CDK17: variants seen among roughly 807,000 people sequenced by gnomAD.
CDK17 encodes cyclin-dependent kinase 17.
In CDK17, 24 loss-of-function variants were observed where a neutral mutation model predicts 77.6. That is an observed-to-expected ratio of 0.31 (90% confidence interval 0.22 to 0.44). The LOEUF (loss-of-function observed/expected upper bound fraction) is 0.44, where lower values mean the gene tolerates loss of function less well. CDK17 is among the 20% of genes least tolerant of loss of function. The probability of loss-of-function intolerance (pLI) is 1.00; values close to 1 mark genes in which losing one functional copy is unlikely to be tolerated. For missense variants in CDK17, 429 were observed against 622.5 expected, an observed-to-expected ratio of 0.69 and a Z score of 3.31; for synonymous variants, 203 against 210.4, an observed-to-expected ratio of 0.96 and a Z score of 0.30.
chr12:96,340,508 A>G (rs1953107236), intron 1 of CDK17, among the ~76,000 whole-genome samples: 1 of 152,208 alleles, frequency 6.6e-6, no homozygotes, highest in South Asian at 2.1e-4. Flanking sequence ...CAGATAATAA[A>G]GAATTTCATT....
intron 7 of CDK17, 140 bp downstream of exon 7, chr12:96,298,725 ATTTG>A (rs960396720): frequency 6.7e-5 from 36 of 534,324 alleles, no homozygotes; most frequent in African/African-American, 6.0e-4. Context: ...CCCTTTGAGT[ATTTG>A]TTTTAGAAAT....
chr12:96,390,961 C>G (rs1036001040), intron 1 of CDK17, among the ~76,000 whole-genome samples: 1 of 151,512 alleles, frequency 6.6e-6, no homozygotes, highest in Non-Finnish European at 1.5e-5. Context: ...GTGGCACACG[C>G]CTATAATCCC....
Position 96,336,478 on chromosome 12 carries a change from T to A in CDK17, c.-29-1613A>T, listed in dbSNP as rs116050460. Among the ~76,000 whole-genome samples, 824 of 152,300 alleles carry A rather than the reference T, an allele frequency of 5.4e-3. 6 individuals carry two copies. Among genetic ancestry groups the A allele is most frequent in the African/African-American group, 0.019 (789 of 41,562 alleles). ...AGATGCTCTCTTAAATAATGTTTTT[T>A]AATAATTTTTTAAAAATCCACTAAA... On this transcript the variant is annotated intron_variant, in intron 1 of 16. Coordinates refer to ENST00000261211, the MANE Select transcript of CDK17 (RefSeq NM_002595.5).
intron 1 of CDK17, among the ~76,000 whole-genome samples, chr12:96,338,405 C>A (rs1415863888): frequency 1.3e-5 from 2 of 152,150 alleles, no homozygotes; most frequent in Non-Finnish European, 2.9e-5. Context: ...GTCCTTCGAG[C>A]AAATCATCAA....
chr12:96,394,990 C>T (rs1954145069), intron 1 of CDK17, among the ~76,000 whole-genome samples: 1 of 151,814 alleles, frequency 6.6e-6, no homozygotes, highest in African/African-American at 2.4e-5. Flanking sequence ...ATTCTCCTGC[C>T]TCAGCCTCCC....
In CDK17 at chr12:96,284,565, C is replaced by CT. The variant is rs1376483277; in HGVS notation, c.1323-921dup. The CT allele has an allele frequency of 3.6e-3, 503 of 138,092 alleles. 1 individual carries two copies. The highest frequency in any genetic ancestry group is 9.3e-3 in the African/African-American group (352 of 37,924). The allele number at this position is 138,092 out of a possible 1,614,324, so 8.6% of individuals were successfully genotyped here. A position where few individuals can be genotyped will look rare whatever the true frequency, so the allele number is the denominator to read the frequency against. ...TAGGGGTAGTAGGGTTAGGGATTAT[C>CT]TTTTTTTTTTTTTTGAGATGGTGTT... On this transcript the variant is annotated intron_variant, in intron 13 of 16. Coordinates refer to ENST00000261211, the MANE Select transcript of CDK17 (RefSeq NM_002595.5).
At chr12:96,306,929 C>T (rs1031237820) in intron 5 of CDK17, among the ~76,000 whole-genome samples, 2 of 152,160 alleles carry the variant, frequency 1.3e-5, no homozygotes, top group Non-Finnish European at 2.9e-5. Context: ...GAAATGGATG[C>T]ATCAGTAAAA....
rs116106736 is a variant in CDK17 at position 96,391,263 on chromosome 12, G to A, written c.-30+8723C>T. On this transcript the variant is annotated intron_variant, in intron 1 of 16. Transcript: ENST00000261211. ...AGATTTCATTAAGGACGATTTTGGG[G>A]CGGGGGGTTGTTTTGTTTTTGATTT... is the stretch of plus-strand genomic sequence containing the variant. Among the ~76,000 whole-genome samples, 286 of 150,760 alleles carry A rather than the reference G, an allele frequency of 1.9e-3. 1 individual carries two copies. The highest frequency in any genetic ancestry group is 6.9e-3 in the African/African-American group (281 of 41,010).
intron 9 of CDK17, among the ~76,000 whole-genome samples, chr12:96,296,004 G>A (rs142741541): frequency 6.6e-6 from 1 of 152,188 alleles, no homozygotes; most frequent in Non-Finnish European, 1.5e-5. Context: ...GCAGGTCAAC[G>A]GTATGCCTGA....
At chr12:96,305,899 T>G (rs1414516423) in intron 5 of CDK17, among the ~76,000 whole-genome samples, 1 of 152,168 alleles carries the variant, frequency 6.6e-6, no homozygotes, top group Non-Finnish European at 1.5e-5. Flanking sequence ...TTGTTAATTT[T>G]TTGTAAAGAT....
At chr12:96,357,784 T>C (rs1026776247) in intron 1 of CDK17, among the ~76,000 whole-genome samples, 1 of 152,154 alleles carries the variant, frequency 6.6e-6, no homozygotes, top group African/African-American at 2.4e-5. Context: ...AAATTCAAAT[T>C]CTTCCTGAGA....
At chr12:96,328,837 G>T (rs1341515248) in intron 2 of CDK17, among the ~76,000 whole-genome samples, 1 of 152,142 alleles carries the variant, frequency 6.6e-6, no homozygotes, top group East Asian at 1.9e-4. Flanking sequence ...GAAATTGTAG[G>T]GTTGGAGGAG....
intron 1 of CDK17, among the ~76,000 whole-genome samples, chr12:96,342,923 T>A (rs375446259): frequency 6.6e-6 from 1 of 151,778 alleles, no homozygotes; most frequent in African/African-American, 2.4e-5. Context: ...GATTGTGCCA[T>A]TGCACTCCAG....
At chr12:96,333,194 T>A (rs1462910546) in intron 2 of CDK17, among the ~76,000 whole-genome samples, 1 of 151,992 alleles carries the variant, frequency 6.6e-6, no homozygotes, top group African/African-American at 2.4e-5. Flanking sequence ...AAAAGAGAAT[T>A]AAGGATTTTG....
chr12:96,369,260 C>T (rs749987881), intron 1 of CDK17, among the ~76,000 whole-genome samples: 2 of 152,068 alleles, frequency 1.3e-5, no homozygotes, highest in Non-Finnish European at 2.9e-5. Flanking sequence ...GAGATGAAGG[C>T]CTGTATTCAT....
At chr12:96,284,725 C>T (rs938199159) in intron 13 of CDK17, among the ~76,000 whole-genome samples, 9 of 151,820 alleles carry the variant, frequency 5.9e-5, no homozygotes, top group East Asian at 3.9e-4. Flanking sequence ...CCACCACGTC[C>T]GGCTAATTTT....
At chr12:96,364,395 A>T (rs1308508344) in intron 1 of CDK17, among the ~76,000 whole-genome samples, 1 of 152,176 alleles carries the variant, frequency 6.6e-6, no homozygotes, top group African/African-American at 2.4e-5. Flanking sequence ...AGCAATCCAG[A>T]TCTTCAAAAA....
Position 96,356,236 on chromosome 12 carries a change from T to C in CDK17, c.-29-21371A>G, listed in dbSNP as rs547532832. Among the ~76,000 whole-genome samples the C allele has an allele frequency of 5.3e-5, 8 of 152,308 alleles. No individual in the cohort carries two copies. The East Asian group carries it at 1.2e-3, about 22-fold the overall frequency. ...TTTCAAAGGCCAAAAATTCAAATAA[T>C]AGCCCACATACTCAAAGTGAACTTT... On this transcript the variant is annotated intron_variant, in intron 1 of 16. Transcript: ENST00000261211.
intron 5 of CDK17, among the ~76,000 whole-genome samples, chr12:96,304,556 C>A (rs1013279706): frequency 6.6e-6 from 1 of 151,732 alleles, no homozygotes; most frequent in East Asian, 1.9e-4. Flanking sequence ...AAAAAAGAAA[C>A]AGCAGGGGAA....
Sources: allele counts gnomAD v4.1 joint callset (sites outside exome capture counted in the v4.1 genomes callset), GRCh38; gene constraint gnomAD v4.1.1; transcripts MANE v1.5; gene names NCBI Gene and HGNC (gene_info 2026-07-23, HGNC 2026-07-21).